Variants in PLD5 observed in about 807,000 individuals in gnomAD.
PLD5 encodes the protein phospholipase D family member 5.
In PLD5, 36 loss-of-function variants were observed where a neutral mutation model predicts 61.1. The observed-to-expected ratio is 0.59, with a 90% CI of 0.45 to 0.78. The LOEUF is 0.78. Among genes scored for constraint, PLD5 ranks in the 30% least tolerant of loss-of-function variants. The pLI is 0.00. For missense variants in PLD5, 515 were observed against 644.4 expected, an observed-to-expected ratio of 0.80 and a Z score of 2.17; for synonymous variants, 243 against 242.8, an observed-to-expected ratio of 1.00 and a Z score of -0.01.
intron 1 of PLD5, among the ~76,000 whole-genome samples, chr1:242,439,642 G>T (rs1323019138): frequency 6.6e-6 from 1 of 152,198 alleles, no homozygotes; most frequent in Non-Finnish European, 1.5e-5. Flanking sequence ...ATGACTTTCT[G>T]CAGAAATGGC....
intron 8 of PLD5, among the ~76,000 whole-genome samples, chr1:242,106,293 G>A (rs1282952259): frequency 4.6e-5 from 7 of 152,282 alleles, no homozygotes; most frequent in East Asian, 1.9e-4. Context: ...ATGATGTACC[G>A]CTTTCAGGCT....
At chr1:242,501,093 T>C (rs1668540733) in intron 1 of PLD5, among the ~76,000 whole-genome samples, 1 of 152,198 alleles carries the variant, frequency 6.6e-6, no homozygotes, top group African/African-American at 2.4e-5. Context: ...TCTCTCTCTG[T>C]CTGTCTGTCT....
intron 1 of PLD5, chr1:242,377,239 T>C (rs1662019197): frequency 1.2e-6 from 2 of 1,611,058 alleles, no homozygotes; most frequent in African/African-American, 2.7e-5. Flanking sequence ...CCATCCGATT[T>C]GTGCTGAGGG....
chr1:242,136,378 T>C (rs1387727986), intron 5 of PLD5, among the ~76,000 whole-genome samples: 1 of 151,938 alleles, frequency 6.6e-6, no homozygotes, highest in Non-Finnish European at 1.5e-5. Context: ...TAATATACTC[T>C]TGACTTACAC....
At chr1:242,525,509 G>C (rs565380426), upstream of PLD5, among the ~76,000 whole-genome samples, 19 of 152,350 alleles carry the variant, frequency 1.2e-4, no homozygotes, top group South Asian at 3.9e-3. Flanking sequence ...GGAATAGGGT[G>C]GCTTGTTCGC....
chr1:242,350,433 GTACACACACA>G (rs1358312628), intron 1 of PLD5, among the ~76,000 whole-genome samples: 1 of 67,632 alleles, frequency 1.5e-5, no homozygotes, highest in African/African-American at 6.0e-5. Flanking sequence ...GTATACACAC[GTACACACACA>G]CACACACACA....
chr1:242,376,033 TTAATAAATTACATGACAAAAAC>T, intron 1 of PLD5, among the ~76,000 whole-genome samples: 1 of 152,290 alleles, frequency 6.6e-6, no homozygotes, highest in East Asian at 1.9e-4. Context: ...TCTGTAATAT[TTAATAAATTACATGACAAAAAC>T]CTGATTATAT....
chr1:242,315,721 C>T (rs1383472520), intron 2 of PLD5, among the ~76,000 whole-genome samples: 2 of 152,140 alleles, frequency 1.3e-5, no homozygotes, highest in Admixed American at 6.5e-5. Flanking sequence ...AAGCAGTCCT[C>T]CCAGGTAGCT....
chr1:242,443,256 A>T (rs1045399325), intron 1 of PLD5, among the ~76,000 whole-genome samples: 1 of 152,216 alleles, frequency 6.6e-6, no homozygotes, highest in African/African-American at 2.4e-5. Context: ...AAAACAAAAT[A>T]AGCACAGTGG....
intron 1 of PLD5, among the ~76,000 whole-genome samples, chr1:242,454,151 G>A (rs1259792665): frequency 1.3e-5 from 2 of 152,030 alleles, no homozygotes; most frequent in Admixed American, 1.3e-4. Context: ...TCAGCATGGT[G>A]AGACCCCTGT....
chr1:242,214,871 CTTTTTTTTTTTTT>C (rs71570942), intron 5 of PLD5, among the ~76,000 whole-genome samples: 1 of 92,458 alleles, frequency 1.1e-5, no homozygotes, highest in African/African-American at 5.0e-5. Flanking sequence ...CATTAAACAC[CTTTTTTTTTTTTT>C]TTTTTTTTTT....
intron 7 of PLD5, among the ~76,000 whole-genome samples, chr1:242,108,890 A>T (rs1041415724): frequency 6.6e-6 from 1 of 152,134 alleles, no homozygotes; most frequent in Non-Finnish European, 1.5e-5. Context: ...GATGCCTTCA[A>T]TCTGCCCGGT....
At chr1:242,194,747 G>A (rs891107209) in intron 5 of PLD5, among the ~76,000 whole-genome samples, 1 of 152,068 alleles carries the variant, frequency 6.6e-6, no homozygotes, top group African/African-American at 2.4e-5. Flanking sequence ...TGGGACTGGA[G>A]ATTATTATTC....
chr1:242,154,200 C>G (rs1665162627), intron 5 of PLD5, among the ~76,000 whole-genome samples: 1 of 152,080 alleles, frequency 6.6e-6, no homozygotes. Flanking sequence ...ATTTTGTATC[C>G]TGAGACTTTG....
At position 242,401,862 on chromosome 1, in the gene PLD5, T is replaced by C. The variant is rs115368376; in HGVS notation, c.190-53620A>G. Among the ~76,000 whole-genome samples the C allele has an allele frequency of 8.5e-3, 1,292 of 152,350 alleles. 19 individuals are homozygous for C. Among genetic ancestry groups the C allele is most frequent in the African/African-American group, 0.029 (1,197 of 41,576 alleles). On this transcript the variant is annotated intron_variant, in intron 1 of 9. Transcript: ENST00000536534. Reference sequence around the variant, plus strand: ...GAGGCCTTGAGGACAGGGACCCTGCTTGTCCTGTTCATCTGTGCATTTCCG... The same window carrying C: ...GAGGCCTTGAGGACAGGGACCCTGCCTGTCCTGTTCATCTGTGCATTTCCG...
intron 2 of PLD5, among the ~76,000 whole-genome samples, chr1:242,294,117 T>C (rs1244353370): frequency 6.6e-6 from 1 of 152,188 alleles, no homozygotes; most frequent in Admixed American, 6.5e-5. Context: ...AAGAGAACTC[T>C]ACCTAGAGGC....
chr1:242,509,626 C>A (rs1373313033), intron 1 of PLD5, among the ~76,000 whole-genome samples: 3 of 152,188 alleles, frequency 2.0e-5, no homozygotes, highest in African/African-American at 7.2e-5. Context: ...TTTTCATAAA[C>A]CACCTTCAAC....
At chr1:242,522,482 A>G (rs1669310480) in intron 1 of PLD5, among the ~76,000 whole-genome samples, 1 of 152,268 alleles carries the variant, frequency 6.6e-6, no homozygotes, top group Non-Finnish European at 1.5e-5. Flanking sequence ...ATAGTCATAG[A>G]AGGCTGCACC....
At chr1:242,313,836 C>G (rs1423555459) in intron 2 of PLD5, among the ~76,000 whole-genome samples, 1 of 152,016 alleles carries the variant, frequency 6.6e-6, no homozygotes, top group Non-Finnish European at 1.5e-5. Flanking sequence ...GAACACGCTG[C>G]TAAGTCAATG....
Sources: allele counts gnomAD v4.1 joint callset (sites outside exome capture counted in the v4.1 genomes callset), GRCh38; gene constraint gnomAD v4.1.1; transcripts MANE v1.5; gene names NCBI Gene and HGNC (gene_info 2026-07-23, HGNC 2026-07-21).